Variants in ZBBX observed in about 807,000 individuals in gnomAD.
ZBBX encodes zinc finger B-box domain-containing protein 1.
A neutral mutation model predicts 108.5 loss-of-function variants in ZBBX; 101 were observed. The observed-to-expected ratio is 0.93, with a 90% CI of 0.79 to 1.10. The LOEUF is 1.10. ZBBX is among the 50% of genes least tolerant of loss of function. The pLI is 0.00. For synonymous variants in ZBBX, 356 were observed against 323.4 expected (o/e 1.10, Z -1.08); for missense variants, 1,009 against 941.4 (o/e 1.07, Z -0.94).
chr3:167,194,229 A>ATATATATATAT, the ZBBX span, among the ~76,000 whole-genome samples: 3 of 139,820 alleles, frequency 2.1e-5, no homozygotes, highest in African/African-American at 7.7e-5. Context: ...ATATGTACTA[A>ATATATATATAT]ATATATATAT....
intron 20 of ZBBX, among the ~76,000 whole-genome samples, chr3:167,277,425 CAA>C (rs1179695730): frequency 6.6e-6 from 1 of 151,360 alleles, no homozygotes; most frequent in Non-Finnish European, 1.5e-5. Flanking sequence ...AAATGGAAAA[CAA>C]AAAAAGGCAG....
intron 16 of ZBBX, among the ~76,000 whole-genome samples, chr3:167,309,683 G>A (rs961649902): frequency 6.6e-6 from 1 of 152,204 alleles, no homozygotes; most frequent in Non-Finnish European, 1.5e-5. Context: ...AGAGCAGTGA[G>A]GCCCTGAGCC....
the ZBBX span, among the ~76,000 whole-genome samples, chr3:167,180,261 A>T: frequency 6.6e-6 from 1 of 152,336 alleles, no homozygotes; most frequent in African/African-American, 2.4e-5. Flanking sequence ...GGCTAGTGAG[A>T]CTAGGATCTC....
chr3:167,221,963 G>A, the ZBBX span, among the ~76,000 whole-genome samples: 1 of 151,980 alleles, frequency 6.6e-6, no homozygotes, highest in Middle Eastern at 3.2e-3. Context: ...TATGTTGTTG[G>A]TGAGGATGTA....
chr3:167,360,319 C>T (rs1744302526), intron 7 of ZBBX, among the ~76,000 whole-genome samples: 1 of 150,544 alleles, frequency 6.6e-6, no homozygotes, highest in East Asian at 1.9e-4. Flanking sequence ...AAATATAAAG[C>T]AATTTTTCTA....
chr3:167,338,779 G>C (rs895070097), intron 9 of ZBBX, among the ~76,000 whole-genome samples: 1 of 152,080 alleles, frequency 6.6e-6, no homozygotes, highest in Non-Finnish European at 1.5e-5. Flanking sequence ...GAGGTAGAGA[G>C]AGAGATACAC....
chr3:167,332,263 GGAGTTA>G (rs1396867198), intron 10 of ZBBX, among the ~76,000 whole-genome samples: 1 of 143,072 alleles, frequency 7.0e-6, no homozygotes, highest in Non-Finnish European at 1.5e-5. Flanking sequence ...GAATCACTGA[GGAGTTA>G]AACACACACA....
intron 16 of ZBBX, 44 bp from the exon 17 acceptor site, chr3:167,305,994 A>G: frequency 7.2e-7 from 1 of 1,387,536 alleles, no homozygotes. Context: ...AATAAATTTA[A>G]ACAAATAATT....
chr3:167,340,495 T>C (rs1332261167), intron 9 of ZBBX, among the ~76,000 whole-genome samples: 1 of 152,100 alleles, frequency 6.6e-6, no homozygotes, highest in Non-Finnish European at 1.5e-5. Flanking sequence ...TCTCAATTTT[T>C]TTACATTATT....
At chr3:167,245,437 T>C (rs1031831313) in intron 20 of ZBBX, among the ~76,000 whole-genome samples, 1 of 152,184 alleles carries the variant, frequency 6.6e-6, no homozygotes, top group African/African-American at 2.4e-5. Context: ...GTCTTGTTTA[T>C]TTCTCCTTTT....
At chr3:167,317,743 C>A (rs971571962) in intron 12 of ZBBX, 146 bp from the exon 13 acceptor site, 3 of 503,228 alleles carry the variant, frequency 6.0e-6, no homozygotes, top group Non-Finnish European at 1.0e-5. Context: ...AAGATAAGTA[C>A]AATTGTATAA....
At chr3:167,359,580 A>G (rs1455663030) in intron 8 of ZBBX, among the ~76,000 whole-genome samples, 2 of 152,130 alleles carry the variant, frequency 1.3e-5, no homozygotes, top group African/African-American at 4.8e-5. Flanking sequence ...GATGGGATAT[A>G]CTGCAACATG....
the ZBBX span, among the ~76,000 whole-genome samples, chr3:167,196,403 C>T: frequency 2.6e-5 from 4 of 152,142 alleles, no homozygotes; most frequent in African/African-American, 7.2e-5. Context: ...AATAGTAAAA[C>T]ATACCAATCA....
chr3:167,183,515 CAG>C, the ZBBX span, among the ~76,000 whole-genome samples: 1 of 152,212 alleles, frequency 6.6e-6, no homozygotes, highest in East Asian at 1.9e-4. Context: ...GAGTGGGAAT[CAG>C]GGGGCTGACA....
At chr3:167,289,298 T>TA (rs999157351) in intron 18 of ZBBX, among the ~76,000 whole-genome samples, 2 of 152,022 alleles carry the variant, frequency 1.3e-5, no homozygotes, top group African/African-American at 2.4e-5. Context: ...AAATGGAAAC[T>TA]AAAAAATCAT....
intron 11 of ZBBX, among the ~76,000 whole-genome samples, chr3:167,324,160 T>G (rs1736959963): frequency 6.6e-6 from 1 of 152,046 alleles, no homozygotes. Context: ...TTTTTTTTTC[T>G]TTGTGATAGG....
chr3:167,179,243 T>G, the ZBBX span, among the ~76,000 whole-genome samples: 1 of 152,230 alleles, frequency 6.6e-6, no homozygotes, highest in Non-Finnish European at 1.5e-5. Flanking sequence ...TTCCAATCCT[T>G]GAGGATTAAC....
At chr3:167,343,111 G>T (rs1740840843) in intron 9 of ZBBX, among the ~76,000 whole-genome samples, 2 of 151,856 alleles carry the variant, frequency 1.3e-5, no homozygotes, top group African/African-American at 2.4e-5. Flanking sequence ...ACTGTATCCT[G>T]ACTGATAAAA....
chr3:167,351,476 G>A (rs7615847), intron 8 of ZBBX, among the ~76,000 whole-genome samples: 52,388 of 151,972 alleles, frequency 0.34, 9,747 homozygotes, highest in Non-Finnish European at 0.42. Flanking sequence ...GAAGAAAAGA[G>A]AAACAGGGCT....
Sources: gnomAD v4.1 joint callset for allele counts (sites outside exome capture counted in the v4.1 genomes callset) on GRCh38, gnomAD v4.1.1 for gene constraint, MANE v1.5 for transcripts, NCBI Gene and HGNC (gene_info 2026-07-23, HGNC 2026-07-21) for gene names.